Variants in CA10 observed in about 807,000 individuals in gnomAD.
CA10 encodes the protein carbonic anhydrase-related protein 10.
CA10 carries 14 observed loss-of-function variants against 44.2 expected under a neutral mutation model. The ratio of observed to expected loss-of-function variants is 0.32; its 90% CI spans 0.21 to 0.50. The LOEUF is 0.50. Among genes scored for constraint, CA10 ranks in the 20% least tolerant of loss-of-function variants. The pLI is 0.99. For missense variants in CA10, 350 were observed against 409.7 expected, an observed-to-expected ratio of 0.85 and a Z score of 1.26; for synonymous variants, 159 against 141.6, an observed-to-expected ratio of 1.12 and a Z score of -0.87.
chr17:51,808,539 G>A lies in CA10; in HGVS notation c.280-60721C>T, dbSNP rs112133995. On this transcript the variant is annotated intron_variant, in intron 3 of 8. Coordinates refer to ENST00000451037, the MANE Select transcript of CA10 (RefSeq NM_020178.5). ...GTTTTGTTTTAGGGCAAGACTCCTT[G>A]TCCCTAGAAAAGCTTACTGCTATTA... Among the ~76,000 whole-genome samples the A allele has an allele frequency of 1.4e-3, 215 of 152,116 alleles. 1 individual carries two copies. Among genetic ancestry groups the A allele is most frequent in the African/African-American group, 4.9e-3 (202 of 41,488 alleles).
At chr17:51,773,821 C>A (rs1243810091) in intron 3 of CA10, among the ~76,000 whole-genome samples, 4 of 152,304 alleles carry the variant, frequency 2.6e-5, no homozygotes, top group South Asian at 4.1e-4. Context: ...TTCCTGCTTT[C>A]AGAACTCTCA....
chr17:51,849,218 T>TAC (rs1567860420), intron 3 of CA10, among the ~76,000 whole-genome samples: 1 of 46,840 alleles, frequency 2.1e-5, no homozygotes, highest in Non-Finnish European at 3.9e-5. Flanking sequence ...TATATATATA[T>TAC]ACATATATGT....
intron 2 of CA10, among the ~76,000 whole-genome samples, chr17:52,057,255 C>T (rs149987332): frequency 2.1e-3 from 322 of 152,136 alleles, no homozygotes; most frequent in African/African-American, 7.3e-3. Flanking sequence ...GCCCATCCTG[C>T]TTCCCCATCT....
intron 4 of CA10, among the ~76,000 whole-genome samples, chr17:51,710,547 G>A (rs1294053356): frequency 2.6e-5 from 4 of 152,172 alleles, no homozygotes; most frequent in African/African-American, 9.7e-5. Flanking sequence ...TAGGGACTAA[G>A]TTTGCCTTTG....
In CA10 at chr17:51,980,757, C is replaced by T. The variant is rs142443697; in HGVS notation, c.137-49625G>A. Among the ~76,000 whole-genome samples, 251 of 152,178 alleles carry T rather than the reference C, an allele frequency of 1.6e-3. 1 individual carries two copies. Among genetic ancestry groups the T allele is most frequent in the Middle Eastern group, 3.4e-3 (1 of 294 alleles). ...ACATGGCTAGCCAGTTTTCCCAGTG[C>T]CATTTATTGAATAGGGAGTCCTTTC... is the stretch of plus-strand genomic sequence containing the variant. On this transcript the variant is annotated intron_variant, in intron 2 of 8. Transcript: ENST00000451037.
rs190014956 is a variant in CA10, at chr17:52,107,332, C to A, written c.62-34939G>T. Among the ~76,000 whole-genome samples the A allele has an allele frequency of 1.9e-4, 29 of 152,270 alleles. No homozygotes were observed. In the East Asian group the frequency reaches 4.6e-3, roughly 24 times the overall value. Reference sequence around the variant, plus strand: ...TCCTTTGAATTCCAATATGTTAGGACTCAATTCATACTAACCTCGAGCACA... The same window carrying A: ...TCCTTTGAATTCCAATATGTTAGGAATCAATTCATACTAACCTCGAGCACA... On this transcript the variant is annotated intron_variant, in intron 1 of 8. Coordinates refer to ENST00000451037, the MANE Select transcript of CA10 (RefSeq NM_020178.5).
intron 2 of CA10, among the ~76,000 whole-genome samples, chr17:51,987,607 T>G (rs929845953): frequency 3.4e-4 from 51 of 151,962 alleles, no homozygotes; most frequent in African/African-American, 1.2e-3. Context: ...CAACAAATAT[T>G]TATTCAGAAT....
At chr17:51,946,053 C>T (rs1008664505) in intron 2 of CA10, among the ~76,000 whole-genome samples, 1 of 151,906 alleles carries the variant, frequency 6.6e-6, no homozygotes, top group Non-Finnish European at 1.5e-5. Context: ...AGCCAGGCCC[C>T]GAAAACAAAT....
intron 2 of CA10, among the ~76,000 whole-genome samples, chr17:52,063,286 A>G (rs1356857694): frequency 6.6e-6 from 1 of 152,162 alleles, no homozygotes; most frequent in Non-Finnish European, 1.5e-5. Context: ...TGAGTCTCAG[A>G]TGAGATTTTG....
chr17:51,843,938 G>A (rs963424994), intron 3 of CA10, among the ~76,000 whole-genome samples: 22 of 152,158 alleles, frequency 1.4e-4, no homozygotes, highest in Non-Finnish European at 1.9e-4. Flanking sequence ...AATCAGTCTC[G>A]ACTTACCACT....
chr17:51,997,830 G>A (rs1331555770), intron 2 of CA10, among the ~76,000 whole-genome samples: 1 of 152,078 alleles, frequency 6.6e-6, no homozygotes, highest in Non-Finnish European at 1.5e-5. Context: ...AATAGTTTCA[G>A]GGATCATCAA....
chr17:51,701,095 A>AT (rs138706314), intron 4 of CA10, among the ~76,000 whole-genome samples: 13 of 151,342 alleles, frequency 8.6e-5, no homozygotes, highest in South Asian at 2.1e-4. Context: ...TAAAAAAACA[A>AT]TTTTTTTTTC....
At chr17:51,751,316 C>CA (rs1328172901) in intron 3 of CA10, among the ~76,000 whole-genome samples, 1 of 151,982 alleles carries the variant, frequency 6.6e-6, no homozygotes, top group Non-Finnish European at 1.5e-5. Context: ...TTCAGTTTTG[C>CA]AAAATAAAAA....
At chr17:51,777,242 A>G (rs1260267095) in intron 3 of CA10, among the ~76,000 whole-genome samples, 1 of 152,192 alleles carries the variant, frequency 6.6e-6, no homozygotes, top group Non-Finnish European at 1.5e-5. Flanking sequence ...TTGAGTTTAG[A>G]GTTCCTGTGA....
At chr17:51,726,388 A>G (rs1916523233) in intron 4 of CA10, among the ~76,000 whole-genome samples, 1 of 152,218 alleles carries the variant, frequency 6.6e-6, no homozygotes, top group Non-Finnish European at 1.5e-5. Context: ...TGTAGTTAAT[A>G]ACAACATACT....
intron 4 of CA10, among the ~76,000 whole-genome samples, chr17:51,717,817 ATATATGTGTGTG>A (rs1262000522): frequency 2.1e-5 from 1 of 47,800 alleles, no homozygotes; most frequent in African/African-American, 9.5e-5. Flanking sequence ...ATACACGTAT[ATATATGTGTGTG>A]TATATATATA....
intron 2 of CA10, among the ~76,000 whole-genome samples, chr17:52,005,378 T>C (rs1246568810): frequency 6.6e-6 from 1 of 151,958 alleles, no homozygotes; most frequent in African/African-American, 2.4e-5. Flanking sequence ...CAATGAATAA[T>C]GGATGACTTC....
intron 4 of CA10, among the ~76,000 whole-genome samples, chr17:51,722,294 C>T (rs1450579940): frequency 6.6e-6 from 1 of 152,020 alleles, no homozygotes; most frequent in East Asian, 1.9e-4. Context: ...TGCTTATTCT[C>T]CCTCATGCCT....
chr17:51,917,729 A>G (rs2143965580), intron 3 of CA10, among the ~76,000 whole-genome samples: 1 of 152,264 alleles, frequency 6.6e-6, no homozygotes, highest in South Asian at 2.1e-4. Context: ...AGAGGATGGC[A>G]CTCAACCATT....
Sources: gnomAD v4.1 joint callset for allele counts (sites outside exome capture counted in the v4.1 genomes callset) on GRCh38, gnomAD v4.1.1 for gene constraint, MANE v1.5 for transcripts, NCBI Gene and HGNC (gene_info 2026-07-23, HGNC 2026-07-21) for gene names.